Variants in LAMP1 observed in about 807,000 individuals in gnomAD.
LAMP1 encodes lysosome associated membrane protein 1, also known as lysosome-associated membrane glycoprotein 1.
A neutral mutation model predicts 37.5 loss-of-function variants in LAMP1; 7 were observed. The ratio of observed to expected loss-of-function variants is 0.19; its 90% CI spans 0.11 to 0.35. LAMP1 has a LOEUF of 0.35. LAMP1 is among the 10% of genes least tolerant of loss of function. The pLI is 1.00. For synonymous variants in LAMP1, 236 were observed against 229.1 expected, an observed-to-expected ratio of 1.03 and a Z score of -0.27; for missense variants, 537 against 552.8, an observed-to-expected ratio of 0.97 and a Z score of 0.29.
rs755576074 is a variant in LAMP1 at position 113,319,653 on chromosome 13, C to A, written c.747C>A (p.Asn249Lys). ...QLNLTYERKD[N>K]TTVTRLLNIN... Reference sequence around the variant, plus strand: ...ACCTCACCTATGAGAGGAAGGACAACACGGTAGGGCTGGGGCCTCACCTGG... The same window carrying A: ...ACCTCACCTATGAGAGGAAGGACAAAACGGTAGGGCTGGGGCCTCACCTGG... The change falls in exon 5 of 9, where the codon AAC becomes AAA. Residue 249 changes from asparagine (N) to lysine (K), a missense_variant. By Grantham distance (94) the Asn-to-Lys change is moderately conservative (BLOSUM62 0). Coordinates refer to ENST00000332556, the MANE Select transcript of LAMP1 (RefSeq NM_005561.4). 5.0e-6 allele frequency: 8 copies of A among 1,607,796 alleles called. No individual in the cohort carries two copies. The highest frequency in any genetic ancestry group is 5.9e-6 in the Non-Finnish European group (7 of 1,178,156).
intron 1 of LAMP1, among the ~76,000 whole-genome samples, chr13:113,298,390 A>G (rs1049333379): frequency 6.6e-6 from 1 of 150,492 alleles, no homozygotes; most frequent in Non-Finnish European, 1.5e-5. Context: ...CCCCGCCAAC[A>G]CTATTCTTTC....
intron 3 of LAMP1, among the ~76,000 whole-genome samples, chr13:113,310,256 G>A (rs1044688458): frequency 3.3e-5 from 5 of 151,632 alleles, no homozygotes; most frequent in East Asian, 2.0e-4. Context: ...AGCCAGGCGC[G>A]GTGGCTCACG....
intron 2 of LAMP1, among the ~76,000 whole-genome samples, chr13:113,306,925 C>T (rs1365070825): frequency 3.5e-5 from 5 of 144,302 alleles, no homozygotes; most frequent in African/African-American, 5.1e-5. Context: ...CTGCAAGCTC[C>T]GCCTCCTGGG....
At position 113,320,162 on chromosome 13, in the gene LAMP1, A is replaced by C. The variant is rs932313952; in HGVS notation, c.751-183A>C. On this transcript the variant is annotated intron_variant, in intron 5 of 8. Coordinates refer to ENST00000332556, the MANE Select transcript of LAMP1 (RefSeq NM_005561.4). The surrounding 1 kb of genome is among the most constrained non-coding windows in gnomAD (Gnocchi z 4.4). ...ACGCTGCACTCCAAGAGCAGCTGTC[A>C]CGGGGTCAGGGAGAGTCATCTTGGG... Among the ~76,000 whole-genome samples, 1 of 152,144 alleles carries C rather than the reference A, an allele frequency of 6.6e-6. No homozygotes were observed. The highest frequency in any genetic ancestry group is 2.4e-5 in the African/African-American group (1 of 41,444).
In LAMP1 at chr13:113,321,580, G is replaced by A. The variant is rs371034089; in HGVS notation, c.967G>A (p.Gly323Ser). 79 of 1,613,960 alleles carry A rather than the reference G, an allele frequency of 4.9e-5. No homozygotes were observed. The highest frequency in any genetic ancestry group is 5.8e-5 in the Non-Finnish European group (69 of 1,180,010). Residue 323 changes from glycine to serine, a missense_variant, in exon 8 of 9, where the codon GGC becomes AGC. By Grantham distance (56) the Gly-to-Ser change is moderately conservative. Coordinates refer to ENST00000332556, the MANE Select transcript of LAMP1 (RefSeq NM_005561.4). This position sits in a 1 kb window ranked among gnomAD's most constrained non-coding sequence, Gnocchi z 5.6. ...AGACCCTGCCTTTAAAGCTGCCAAC[G>A]GCTCCCTGCGAGCGCTGCAGGCCAC... ...ARDPAFKAAN[G>S]SLRALQATVG...
chr13:113,317,558 G>C (rs1417411923), intron 4 of LAMP1, among the ~76,000 whole-genome samples: 1 of 152,220 alleles, frequency 6.6e-6, no homozygotes, highest in African/African-American at 2.4e-5. Context: ...AATTGTCAAA[G>C]CAGCGTAGGT....
chr13:113,297,767 G>C lies in LAMP1; in HGVS notation c.61+272G>C, dbSNP rs1054155848. Among the ~76,000 whole-genome samples the C allele has an allele frequency of 6.6e-6, 1 of 152,216 alleles. No individual in the cohort carries two copies. The highest frequency in any genetic ancestry group is 2.4e-5 in the African/African-American group (1 of 41,450). On this transcript the variant is annotated intron_variant, in intron 1 of 8. Transcript: ENST00000332556. This position sits in a 1 kb window ranked among gnomAD's most constrained non-coding sequence, Gnocchi z 4.4. ...GTCTCACTGAACTCAGTTTTTCTGTGGTGGTGAGTGCGAAAGGGAACTTCC... is the reference window on the plus strand; with the variant it reads ...GTCTCACTGAACTCAGTTTTTCTGTCGTGGTGAGTGCGAAAGGGAACTTCC...
intron 4 of LAMP1, among the ~76,000 whole-genome samples, chr13:113,318,196 C>T (rs1035750159): frequency 2.0e-5 from 3 of 152,222 alleles, no homozygotes; most frequent in Non-Finnish European, 4.4e-5. Flanking sequence ...GGGGGCACTC[C>T]TGTGTGTGTC....
At chr13:113,318,054 C>T (rs1258954876) in intron 4 of LAMP1, among the ~76,000 whole-genome samples, 1 of 152,226 alleles carries the variant, frequency 6.6e-6, no homozygotes, top group Non-Finnish European at 1.5e-5. Context: ...AGCAAGGGTC[C>T]CTGAGCACAT....
Position 113,320,572 on chromosome 13 carries a change from G to T in LAMP1, c.876+102G>T. 2 of 1,323,092 alleles carry T rather than the reference G, an allele frequency of 1.5e-6. No individual in the cohort carries two copies. Among genetic ancestry groups the T allele is most frequent in the Non-Finnish European group, 2.1e-6 (2 of 973,338 alleles). The allele number at this position is 1,323,092 out of a possible 1,614,324, so 82.0% of individuals were successfully genotyped here. A position where few individuals can be genotyped will look rare whatever the true frequency, so the allele number is the denominator to read the frequency against. ...TGGGAGGCAGCGTTAGGAAGGAGGC[G>T]GCCTCACTTTTTTCTGCCTTCCCTT... On this transcript the variant is annotated intron_variant, in intron 6 of 8. Coordinates refer to ENST00000332556, the MANE Select transcript of LAMP1 (RefSeq NM_005561.4). The surrounding 1 kb of genome is among the most constrained non-coding windows in gnomAD (Gnocchi z 4.4).
chr13:113,307,459 T>C (rs142353331), intron 2 of LAMP1, among the ~76,000 whole-genome samples: 242 of 152,292 alleles, frequency 1.6e-3, no homozygotes, highest in African/African-American at 5.7e-3. Flanking sequence ...CTCCCAGCTC[T>C]AGTTTTCTTC....
At chr13:113,311,557 G>A (rs1419724414) in intron 4 of LAMP1, among the ~76,000 whole-genome samples, 1 of 152,132 alleles carries the variant, frequency 6.6e-6, no homozygotes, top group African/African-American at 2.4e-5. Context: ...AGCTCTGGCC[G>A]GCCAGCTTAG....
At position 113,320,766 on chromosome 13, in the gene LAMP1, G is replaced by A. The variant is rs187818139; in HGVS notation, c.876+296G>A. ...TCAGATGCTGCTGCCCTGTGGTTCC[G>A]TGGTGGCATTTCTGCCTGGGAGGAC... is the stretch of plus-strand genomic sequence containing the variant. On this transcript the variant is annotated intron_variant, in intron 6 of 8. Transcript: ENST00000332556. The surrounding 1 kb of genome is among the most constrained non-coding windows in gnomAD (Gnocchi z 4.4). The A allele has an allele frequency of 3.9e-5, 16 of 406,928 alleles. No homozygotes were observed. Among genetic ancestry groups the A allele is most frequent in the East Asian group, 8.1e-5 (2 of 24,806 alleles). The allele number at this position is 406,928 out of a possible 1,614,324, so 25.2% of individuals were successfully genotyped here.
chr13:113,302,555 C>T lies in LAMP1; in HGVS notation c.62-3930C>T, dbSNP rs555264275. ...AGATGGTAATCTTTAATGTCAAAAG[C>T]GAGTATTTCTTAATTTTTATTTATT... On this transcript the variant is annotated intron_variant, in intron 1 of 8. Coordinates refer to ENST00000332556, the MANE Select transcript of LAMP1 (RefSeq NM_005561.4). 1.4e-4 allele frequency among the ~76,000 whole-genome samples: 21 copies of T among 152,046 alleles called. No homozygotes were observed. In the South Asian group the frequency reaches 1.5e-3, roughly 11 times the overall value.
intron 4 of LAMP1, among the ~76,000 whole-genome samples, chr13:113,311,506 G>A (rs1370407550): frequency 6.6e-6 from 1 of 152,190 alleles, no homozygotes; most frequent in Non-Finnish European, 1.5e-5. Flanking sequence ...TGCAGTTTGA[G>A]CCAGTTGCCT....
intron 1 of LAMP1, among the ~76,000 whole-genome samples, chr13:113,299,725 T>C (rs1223344894): frequency 1.3e-5 from 2 of 151,856 alleles, no homozygotes; most frequent in African/African-American, 2.4e-5. Context: ...CGCGCCACCA[T>C]GCCTGGCTAA....
At chr13:113,309,952 G>A (rs2042620939) in intron 3 of LAMP1, 90 bp downstream of exon 3, 2 of 1,047,044 alleles carry the variant, frequency 1.9e-6, no homozygotes, top group Non-Finnish European at 2.9e-6. Context: ...GTACAGGCTG[G>A]GTGTGGTGGC....
At chr13:113,303,806 T>G (rs944408435) in intron 1 of LAMP1, among the ~76,000 whole-genome samples, 1 of 152,206 alleles carries the variant, frequency 6.6e-6, no homozygotes, top group Non-Finnish European at 1.5e-5. Flanking sequence ...CTGGGCATGG[T>G]GGCTTACACC....
At chr13:113,302,172 A>C (rs2042578284) in intron 1 of LAMP1, among the ~76,000 whole-genome samples, 1 of 146,722 alleles carries the variant, frequency 6.8e-6, no homozygotes, top group Admixed American at 6.9e-5. Context: ...CTAAGATGTA[A>C]TTTCTTAATA....
Sources: gnomAD v4.1 joint callset for allele counts (sites outside exome capture counted in the v4.1 genomes callset) on GRCh38, gnomAD v4.1.1 for gene constraint, Gnocchi (gnomAD v3.1) non-coding constraint, MANE v1.5 for transcripts, NCBI Gene and HGNC (gene_info 2026-07-23, HGNC 2026-07-21) for gene names.